PRDM16: variants seen among roughly 807,000 people sequenced by gnomAD.
PRDM16 encodes the protein histone-lysine N-methyltransferase PRDM16.
A neutral mutation model predicts 110.6 loss-of-function variants in PRDM16; 23 were observed. That is an observed-to-expected ratio of 0.21 (90% CI 0.15 to 0.29). PRDM16 has a LOEUF of 0.29. PRDM16 is among the 10% of genes least tolerant of loss of function. The pLI is 1.00. For synonymous variants in PRDM16, 799 were observed against 781.8 expected (o/e 1.02, Z -0.37); for missense variants, 1,615 against 1,794.3 (o/e 0.90, Z 1.81).
intron 3 of PRDM16, among the ~76,000 whole-genome samples, chr1:3,281,797 G>C (rs1180148617): frequency 1.3e-5 from 2 of 152,254 alleles, no homozygotes; most frequent in Non-Finnish European, 2.9e-5. Flanking sequence ...TGATTGATGA[G>C]CTATGGTCCG....
chr1:3,395,261 C>G (rs1180247029), intron 4 of PRDM16, among the ~76,000 whole-genome samples: 1 of 152,144 alleles, frequency 6.6e-6, no homozygotes, highest in Non-Finnish European at 1.5e-5. Flanking sequence ...CCACAGACCC[C>G]AGCCAGGTCC....
intron 2 of PRDM16, among the ~76,000 whole-genome samples, chr1:3,225,793 C>T (rs752930364): frequency 1.1e-4 from 16 of 152,198 alleles, no homozygotes; most frequent in Non-Finnish European, 2.2e-4. Flanking sequence ...GGCAATCGGC[C>T]CCACCTCCAG....
At chr1:3,188,210 G>C (rs1356725930) in intron 2 of PRDM16, among the ~76,000 whole-genome samples, 2 of 152,214 alleles carry the variant, frequency 1.3e-5, no homozygotes, top group African/African-American at 4.8e-5. Flanking sequence ...GTGTGTGGGA[G>C]GGGAATTCAA....
At chr1:3,113,194 A>G (rs1011062897) in intron 1 of PRDM16, among the ~76,000 whole-genome samples, 1 of 152,236 alleles carries the variant, frequency 6.6e-6, no homozygotes, top group Non-Finnish European at 1.5e-5. Context: ...CGTGCTGTGC[A>G]CACTGCAATG....
intron 1 of PRDM16, among the ~76,000 whole-genome samples, chr1:3,115,776 G>A (rs927290674): frequency 3.3e-5 from 5 of 152,238 alleles, no homozygotes; most frequent in African/African-American, 1.2e-4. Flanking sequence ...TCCTCGGGGT[G>A]CCCTCGGGCC....
At chr1:3,111,846 A>G (rs1642803606) in intron 1 of PRDM16, among the ~76,000 whole-genome samples, 1 of 152,174 alleles carries the variant, frequency 6.6e-6, no homozygotes, top group Non-Finnish European at 1.5e-5. Context: ...GCGCCACGAT[A>G]ATTCACTCCC....
intron 3 of PRDM16, among the ~76,000 whole-genome samples, chr1:3,327,961 A>C (rs1234888209): frequency 6.6e-6 from 1 of 152,216 alleles, no homozygotes; most frequent in Non-Finnish European, 1.5e-5. Context: ...ACAAGCAAAC[A>C]AGTTGGAAAA....
At chr1:3,404,235 C>T (rs12024847) in intron 6 of PRDM16, among the ~76,000 whole-genome samples, 43,427 of 152,196 alleles carry the variant, frequency 0.29, 8,148 homozygotes, top group South Asian at 0.61. Flanking sequence ...GCGGCCCCTC[C>T]GAGCAGCTGT....
intron 1 of PRDM16, among the ~76,000 whole-genome samples, chr1:3,114,145 G>GCACACACGCACA (rs1156319309): frequency 1.3e-5 from 2 of 149,762 alleles, no homozygotes; most frequent in African/African-American, 2.5e-5. Context: ...TCTGCACACT[G>GCACACACGCACA]CACACACGCA....
chr1:3,223,351 C>T (rs1233239294), intron 2 of PRDM16, among the ~76,000 whole-genome samples: 1 of 152,000 alleles, frequency 6.6e-6, no homozygotes, highest in Non-Finnish European at 1.5e-5. Flanking sequence ...TGCCTGTTAT[C>T]GTTTGGCTGC....
At chr1:3,337,560 C>A (rs1642186176) in intron 3 of PRDM16, among the ~76,000 whole-genome samples, 1 of 152,188 alleles carries the variant, frequency 6.6e-6, no homozygotes, top group South Asian at 2.1e-4. Flanking sequence ...GAGCTAGAGG[C>A]CCTTGGGGTG....
intron 1 of PRDM16, among the ~76,000 whole-genome samples, chr1:3,107,095 C>T (rs1642676338): frequency 6.6e-6 from 1 of 152,224 alleles, no homozygotes; most frequent in Non-Finnish European, 1.5e-5. Flanking sequence ...CCAGTAGGTG[C>T]CCCAGGAATT....
intron 1 of PRDM16, among the ~76,000 whole-genome samples, chr1:3,137,565 T>C (rs1643465055): frequency 6.6e-6 from 1 of 152,140 alleles, no homozygotes; most frequent in Non-Finnish European, 1.5e-5. Flanking sequence ...CGAAGAACCG[T>C]CCAGGAGGAC....
intron 2 of PRDM16, among the ~76,000 whole-genome samples, chr1:3,238,372 A>G (rs1639585920): frequency 6.6e-6 from 1 of 152,178 alleles, no homozygotes; most frequent in Non-Finnish European, 1.5e-5. Flanking sequence ...TTAGGAGTAA[A>G]GAGAGAGCCT....
intron 3 of PRDM16, among the ~76,000 whole-genome samples, chr1:3,280,967 C>A (rs75596275): frequency 1.3e-5 from 2 of 152,204 alleles, no homozygotes; most frequent in African/African-American, 4.8e-5. Context: ...TCTGGGAGGC[C>A]GAGTGGCTGC....
At chr1:3,270,041 G>C (rs1017133385) in intron 3 of PRDM16, among the ~76,000 whole-genome samples, 4 of 151,192 alleles carry the variant, frequency 2.6e-5, no homozygotes, top group African/African-American at 7.3e-5. Context: ...TGTCCTGGAA[G>C]AGGTGAGTCC....
At chr1:3,285,865 T>G (rs1462288376) in intron 3 of PRDM16, among the ~76,000 whole-genome samples, 1 of 152,224 alleles carries the variant, frequency 6.6e-6, no homozygotes, top group East Asian at 1.9e-4. Context: ...GTGGACTTTG[T>G]GGTTTTCATC....
At chr1:3,132,032 C>G (rs1331913315) in intron 1 of PRDM16, among the ~76,000 whole-genome samples, 1 of 151,976 alleles carries the variant, frequency 6.6e-6, no homozygotes, top group Non-Finnish European at 1.5e-5. Flanking sequence ...CCGTTTAATT[C>G]GGAGGAGAGA....
intron 2 of PRDM16, among the ~76,000 whole-genome samples, chr1:3,219,563 C>T (rs1039455953): frequency 3.3e-5 from 5 of 152,278 alleles, no homozygotes; most frequent in African/African-American, 1.2e-4. Context: ...AGTCAGAAGC[C>T]GGGTTAATAA....
Sources: allele counts gnomAD v4.1 joint callset (sites outside exome capture counted in the v4.1 genomes callset), GRCh38; gene constraint gnomAD v4.1.1; transcripts MANE v1.5; gene names NCBI Gene and HGNC (gene_info 2026-07-23, HGNC 2026-07-21).